Variants in UNC13C observed in about 807,000 individuals in gnomAD.
UNC13C encodes the protein unc-13 homolog C.
Under a neutral mutation model 245.4 loss-of-function variants are expected in UNC13C, and 174 were observed. That is an observed-to-expected ratio of 0.71 (90% confidence interval 0.63 to 0.80). The LOEUF (loss-of-function observed/expected upper bound fraction) is 0.80. UNC13C is among the 30% of genes least tolerant of loss of function. The pLI, the probability that UNC13C is intolerant of heterozygous loss-of-function variation, is 0.00. For synonymous variants in UNC13C, 992 were observed against 895.1 expected (o/e 1.11, Z -1.93); for missense variants, 2,829 against 2,602.9 (o/e 1.09, Z -1.89).
intron 30 of UNC13C, among the ~76,000 whole-genome samples, chr15:54,568,399 T>C (rs1818705): frequency 0.47 from 70,700 of 151,818 alleles, 16,815 homozygotes; most frequent in East Asian, 0.57. Context: ...TCTCATTTTA[T>C]GCTCATTTCA....
chr15:54,371,725 C>A (rs1567221799), intron 17 of UNC13C, among the ~76,000 whole-genome samples: 1 of 151,942 alleles, frequency 6.6e-6, no homozygotes, highest in Non-Finnish European at 1.5e-5. Flanking sequence ...TATACACACA[C>A]ACACACACAC....
chr15:54,228,006 A>G (rs1205563158), intron 4 of UNC13C, among the ~76,000 whole-genome samples: 1 of 152,128 alleles, frequency 6.6e-6, no homozygotes, highest in Non-Finnish European at 1.5e-5. Context: ...GAAGTCAGAA[A>G]CTTTAGGAAT....
At chr15:53,991,502 C>T (rs1375775238) in intron 1 of UNC13C, among the ~76,000 whole-genome samples, 5 of 152,014 alleles carry the variant, frequency 3.3e-5, no homozygotes, top group Admixed American at 3.3e-4. Flanking sequence ...TTTGTCTCAG[C>T]TGCTGGCAGA....
At chr15:54,537,273 T>G (rs62022427) in intron 26 of UNC13C, among the ~76,000 whole-genome samples, 13,637 of 151,802 alleles carry the variant, frequency 0.09, 743 homozygotes, top group African/African-American at 0.14. Context: ...ATACAGCTAA[T>G]GAGAGAGGTG....
chr15:54,218,764 CAAG>C (rs1266224077), intron 4 of UNC13C, among the ~76,000 whole-genome samples: 6 of 151,816 alleles, frequency 4.0e-5, no homozygotes, highest in Admixed American at 3.9e-4. Flanking sequence ...GGTCAGAATG[CAAG>C]AAGTGGAATA....
At chr15:54,356,423 C>A (rs2140854106) in intron 17 of UNC13C, among the ~76,000 whole-genome samples, 1 of 152,062 alleles carries the variant, frequency 6.6e-6, no homozygotes, top group East Asian at 1.9e-4. Flanking sequence ...TCCTTCTGGG[C>A]TGCTATAACA....
intron 2 of UNC13C, among the ~76,000 whole-genome samples, chr15:54,082,036 C>T (rs1225992220): frequency 6.6e-6 from 1 of 152,142 alleles, no homozygotes; most frequent in Non-Finnish European, 1.5e-5. Context: ...TTCTTTTTCA[C>T]TTATGGAGTT....
At chr15:54,438,334 G>C (rs780909044) in intron 19 of UNC13C, among the ~76,000 whole-genome samples, 63 of 151,904 alleles carry the variant, frequency 4.1e-4, no homozygotes, top group Non-Finnish European at 7.7e-4. Flanking sequence ...CCAACTGTTT[G>C]CTCTTCTTCT....
intron 30 of UNC13C, among the ~76,000 whole-genome samples, chr15:54,607,702 G>T (rs1899844487): frequency 6.6e-6 from 1 of 152,152 alleles, no homozygotes. Flanking sequence ...GCAAAAGGCA[G>T]AGGGGAAGCA....
chr15:53,864,633 C>A, the UNC13C span, among the ~76,000 whole-genome samples: 2,625 of 152,250 alleles, frequency 0.017, 53 homozygotes, highest in East Asian at 0.08. Flanking sequence ...CTAAGAAATT[C>A]TTTCCCTTTT....
intron 24 of UNC13C, among the ~76,000 whole-genome samples, chr15:54,514,691 G>C (rs1894891840): frequency 6.9e-6 from 1 of 145,310 alleles, no homozygotes; most frequent in Non-Finnish European, 1.6e-5. Flanking sequence ...ATGTAGTTGA[G>C]GCAGCTGTTT....
intron 2 of UNC13C, among the ~76,000 whole-genome samples, chr15:54,096,745 C>T (rs28679284): frequency 0.047 from 7,185 of 152,100 alleles, 315 homozygotes; most frequent in African/African-American, 0.12. Flanking sequence ...TTTAACTATA[C>T]GGTAGACTTC....
intron 17 of UNC13C, among the ~76,000 whole-genome samples, chr15:54,340,594 G>C (rs1596250395): frequency 6.6e-6 from 1 of 152,286 alleles, no homozygotes; most frequent in South Asian, 2.1e-4. Context: ...TCAGTTGGCT[G>C]TAAGTATGCG....
intron 5 of UNC13C, among the ~76,000 whole-genome samples, chr15:54,236,188 T>C (rs2035694624): frequency 6.6e-6 from 1 of 152,196 alleles, no homozygotes; most frequent in Admixed American, 6.5e-5. Flanking sequence ...TCAGTAATTT[T>C]TAATTTTGCT....
intron 20 of UNC13C, among the ~76,000 whole-genome samples, chr15:54,499,234 C>G (rs1358128685): frequency 1.3e-5 from 2 of 152,026 alleles, no homozygotes; most frequent in Non-Finnish European, 2.9e-5. Context: ...ATGTGCTGCA[C>G]AGTTTTAAAT....
At chr15:54,547,023 T>A (rs746765590) in intron 27 of UNC13C, among the ~76,000 whole-genome samples, 178 bp downstream of exon 27, 54 of 152,200 alleles carry the variant, frequency 3.5e-4, no homozygotes, top group Non-Finnish European at 6.5e-4. Context: ...TTTTAAATAA[T>A]GGCAATAGCA....
intron 24 of UNC13C, among the ~76,000 whole-genome samples, chr15:54,517,571 T>C (rs1444408522): frequency 6.6e-6 from 1 of 152,134 alleles, no homozygotes; most frequent in Non-Finnish European, 1.5e-5. Context: ...TCCACCACTG[T>C]AAGCACCTCT....
chr15:53,958,615 C>T, the UNC13C span, among the ~76,000 whole-genome samples: 14 of 152,172 alleles, frequency 9.2e-5, no homozygotes, highest in Non-Finnish European at 1.8e-4. Context: ...TGATCCCCAT[C>T]ACAGGCTACT....
At chr15:54,291,843 T>C (rs2037306876) in intron 10 of UNC13C, among the ~76,000 whole-genome samples, 1 of 152,020 alleles carries the variant, frequency 6.6e-6, no homozygotes, top group Non-Finnish European at 1.5e-5. Flanking sequence ...TATCTATAGA[T>C]GTAATTTGAA....
Sources: allele counts gnomAD v4.1 joint callset (sites outside exome capture counted in the v4.1 genomes callset), GRCh38; gene constraint gnomAD v4.1.1; transcripts MANE v1.5; gene names NCBI Gene and HGNC (gene_info 2026-07-23, HGNC 2026-07-21).